Variants in PLXNA4 observed in about 807,000 individuals in gnomAD.
The protein encoded by PLXNA4 is plexin-A4.
Under a neutral mutation model 191.8 loss-of-function variants are expected in PLXNA4, and 44 were observed. The observed-to-expected ratio is 0.23, with a 90% CI of 0.18 to 0.29. PLXNA4 has a LOEUF of 0.29. Ranked by LOEUF, PLXNA4 falls within the 10% of genes least tolerant of loss-of-function variation. The pLI is 1.00. For missense variants in PLXNA4, 1,800 were observed against 2,488.8 expected (o/e 0.72, Z 5.89); for synonymous variants, 1,082 against 1,009.5 (o/e 1.07, Z -1.36).
At chr7:132,219,120 C>T (rs945711486) in intron 9 of PLXNA4, among the ~76,000 whole-genome samples, 1 of 152,188 alleles carries the variant, frequency 6.6e-6, no homozygotes, top group Non-Finnish European at 1.5e-5. Context: ...AACAAAAGGA[C>T]ACTGTCTGCA....
At chr7:132,562,721 T>C (rs1173994617) in intron 1 of PLXNA4, among the ~76,000 whole-genome samples, 23 of 67,894 alleles carry the variant, frequency 3.4e-4, no homozygotes, top group African/African-American at 4.5e-4. Flanking sequence ...CCTCCTCCTT[T>C]TCCTCGTCCT....
chr7:132,168,939 C>T (rs968354229), intron 21 of PLXNA4, among the ~76,000 whole-genome samples: 4 of 152,150 alleles, frequency 2.6e-5, no homozygotes, highest in African/African-American at 9.7e-5. Context: ...TTCCAGGTGC[C>T]CAGGGCTGTC....
At chr7:132,424,504 C>T (rs972584261) in intron 3 of PLXNA4, among the ~76,000 whole-genome samples, 1 of 152,138 alleles carries the variant, frequency 6.6e-6, no homozygotes, top group African/African-American at 2.4e-5. Context: ...CCCCACCCTT[C>T]CTGGCAAGTC....
intron 12 of PLXNA4, among the ~76,000 whole-genome samples, chr7:132,200,507 C>T (rs1046541922): frequency 5.1e-4 from 78 of 152,324 alleles, no homozygotes; most frequent in African/African-American, 1.7e-3. Flanking sequence ...CTGAGAATCA[C>T]TGTTTAGATT....
intron 27 of PLXNA4, 53 bp from the exon 28 acceptor site, chr7:132,146,753 C>T: frequency 6.3e-7 from 1 of 1,592,980 alleles, no homozygotes; most frequent in Non-Finnish European, 8.6e-7. Flanking sequence ...CAGCCTTAGC[C>T]CATCACTTAC....
At chr7:132,132,926 G>C (rs1795010412) in intron 31 of PLXNA4, 123 bp downstream of exon 31, 1 of 1,397,384 alleles carries the variant, frequency 7.2e-7, no homozygotes, top group Non-Finnish European at 9.5e-7. Context: ...GGTCCTCAGT[G>C]GTGGTTCCCC....
chr7:132,154,042 A>G (rs59313571), intron 25 of PLXNA4, among the ~76,000 whole-genome samples: 5,681 of 152,236 alleles, frequency 0.037, 125 homozygotes, highest in African/African-American at 0.06. Context: ...TCCACGCAGG[A>G]CCACCTTCAT....
chr7:132,419,693 G>C (rs1235615728), intron 3 of PLXNA4, among the ~76,000 whole-genome samples: 1 of 152,132 alleles, frequency 6.6e-6, no homozygotes, highest in Non-Finnish European at 1.5e-5. Context: ...TACTGGACTA[G>C]ACCAAGGGTC....
chr7:132,567,430 G>A (rs1294187269), intron 1 of PLXNA4, among the ~76,000 whole-genome samples: 1 of 152,060 alleles, frequency 6.6e-6, no homozygotes, highest in Non-Finnish European at 1.5e-5. Context: ...GACCCAGGAT[G>A]CTGGAGGGTA....
chr7:132,528,781 G>A lies in PLXNA4; in HGVS notation c.-86-20002C>T, dbSNP rs188936999. Among the ~76,000 whole-genome samples, 3 of 152,352 alleles carry A rather than the reference G, an allele frequency of 2.0e-5. No homozygotes were observed. The East Asian group carries it at 5.8e-4, about 29-fold the overall frequency. On this transcript the variant is annotated intron_variant, in intron 1 of 31. Transcript: ENST00000321063. ...AGAAGGGAAGTGCCAGGAGTAGGAT[G>A]ATGCAGGGGAGCTGCTGAATGACCA...
At chr7:132,356,425 A>G (rs1236293788) in intron 3 of PLXNA4, among the ~76,000 whole-genome samples, 1 of 152,224 alleles carries the variant, frequency 6.6e-6, no homozygotes, top group East Asian at 1.9e-4. Flanking sequence ...CATTTGGTCA[A>G]TGCTGTTGTT....
At chr7:132,330,292 CCA>C (rs2116690761) in intron 3 of PLXNA4, among the ~76,000 whole-genome samples, 1 of 152,214 alleles carries the variant, frequency 6.6e-6, no homozygotes, top group Admixed American at 6.5e-5. Flanking sequence ...GCAGTGCTGG[CCA>C]CCTTACATCA....
At chr7:132,407,306 G>A (rs1794262128) in intron 3 of PLXNA4, among the ~76,000 whole-genome samples, 1 of 152,164 alleles carries the variant, frequency 6.6e-6, no homozygotes, top group Admixed American at 6.5e-5. Flanking sequence ...GATCATCATA[G>A]TAGCCAAATG....
intron 3 of PLXNA4, among the ~76,000 whole-genome samples, chr7:132,462,406 G>A (rs889511558): frequency 6.6e-6 from 1 of 152,044 alleles, no homozygotes; most frequent in Non-Finnish European, 1.5e-5. Context: ...GAAAAACAAG[G>A]ATTGTGCTAT....
At chr7:132,134,444 C>A (rs1795055765) in intron 30 of PLXNA4, among the ~76,000 whole-genome samples, 1 of 152,208 alleles carries the variant, frequency 6.6e-6, no homozygotes, top group African/African-American at 2.4e-5. Flanking sequence ...GTTCAATTTG[C>A]ACCAGAGCAT....
At chr7:132,403,049 C>G (rs1315323218) in intron 3 of PLXNA4, among the ~76,000 whole-genome samples, 1 of 152,262 alleles carries the variant, frequency 6.6e-6, no homozygotes, top group Non-Finnish European at 1.5e-5. Context: ...ATTGCCTTGG[C>G]TCTCTGTGTG....
At chr7:132,183,886 T>A (rs1005132908) in intron 16 of PLXNA4, among the ~76,000 whole-genome samples, 1 of 152,196 alleles carries the variant, frequency 6.6e-6, no homozygotes, top group Admixed American at 6.5e-5. Context: ...ATAGTAAATA[T>A]TGTAGGCTTT....
intron 3 of PLXNA4, among the ~76,000 whole-genome samples, chr7:132,470,593 T>C (rs1389080411): frequency 6.6e-6 from 1 of 152,136 alleles, no homozygotes; most frequent in East Asian, 1.9e-4. Flanking sequence ...GAAGATATCA[T>C]GAAGTTAAGA....
At chr7:132,462,794 ATTC>A (rs1796559987) in intron 3 of PLXNA4, among the ~76,000 whole-genome samples, 2 of 137,570 alleles carry the variant, frequency 1.5e-5, no homozygotes, top group African/African-American at 5.6e-5. Context: ...TTTCTTGTTT[ATTC>A]TTGTTTTATA....
Sources: allele counts gnomAD v4.1 joint callset (sites outside exome capture counted in the v4.1 genomes callset), GRCh38; gene constraint gnomAD v4.1.1; transcripts MANE v1.5; gene names NCBI Gene and HGNC (gene_info 2026-07-23, HGNC 2026-07-21).